The following PLSCR2 variants were observed in gnomAD, a reference collection of about 807,000 sequenced individuals.
The protein encoded by PLSCR2 is PL scramblase 2.
A neutral mutation model predicts 25.3 loss-of-function variants in PLSCR2; 18 were observed. The observed-to-expected ratio is 0.71, with a 90% CI of 0.49 to 1.06. The LOEUF (loss-of-function observed/expected upper bound fraction) is 1.06. PLSCR2 is among the 50% of genes least tolerant of loss of function. The pLI is 0.00. For missense variants in PLSCR2, 243 were observed against 269.5 expected (o/e 0.90, Z 0.69); for synonymous variants, 88 against 87.3 (o/e 1.01, Z -0.04).
intron 1 of PLSCR2, among the ~76,000 whole-genome samples, chr3:146,492,649 A>C (rs2043592337): frequency 6.6e-6 from 1 of 152,090 alleles, no homozygotes; most frequent in Non-Finnish European, 1.5e-5. Flanking sequence ...CTAAAGAAGT[A>C]GGAAGGGGAA....
chr3:146,396,240 C>A (rs917816263), intron 2 of PLSCR2, among the ~76,000 whole-genome samples: 15 of 152,122 alleles, frequency 9.9e-5, no homozygotes, highest in Admixed American at 2.6e-4. Flanking sequence ...AAACCACTAG[C>A]TTCTCAGCTC....
intron 2 of PLSCR2, among the ~76,000 whole-genome samples, chr3:146,419,285 C>A (rs187843326): frequency 1.3e-4 from 20 of 152,176 alleles, no homozygotes; most frequent in African/African-American, 4.3e-4. Context: ...AATACAGTTT[C>A]TTCATGTTTC....
chr3:146,442,435 T>G (rs1355321053), intron 6 of PLSCR2, among the ~76,000 whole-genome samples: 2 of 152,010 alleles, frequency 1.3e-5, no homozygotes, highest in Non-Finnish European at 2.9e-5. Flanking sequence ...TACCAGTGAA[T>G]TTTTCACAGA....
chr3:146,461,835 G>A (rs1266740289), upstream of PLSCR2: 3 of 943,632 alleles, frequency 3.2e-6, no homozygotes, highest in African/African-American at 4.9e-5. Context: ...GATAATTACT[G>A]GAGGAATTTA....
exon 6 of PLSCR2, chr3:146,449,301 C>T: frequency 6.2e-7 from 1 of 1,611,556 alleles, no homozygotes; most frequent in Non-Finnish European, 8.5e-7. Flanking sequence ...GTAAATGCCT[C>T]TCTTAAAAAC....
chr3:146,476,801 C>G (rs2042300577), intron 1 of PLSCR2, among the ~76,000 whole-genome samples: 1 of 152,202 alleles, frequency 6.6e-6, no homozygotes, highest in Non-Finnish European at 1.5e-5. Flanking sequence ...GGTGGGGCCT[C>G]CCTGCAAAAA....
At chr3:146,433,116 T>G (rs1470568918), downstream of PLSCR2, among the ~76,000 whole-genome samples, 2 of 152,164 alleles carry the variant, frequency 1.3e-5, no homozygotes, top group Non-Finnish European at 2.9e-5. Context: ...GTGTTAGCTA[T>G]CTATTTTATG....
intron 2 of PLSCR2, among the ~76,000 whole-genome samples, chr3:146,424,810 C>T (rs1471872199): frequency 1.3e-5 from 2 of 152,106 alleles, no homozygotes; most frequent in Admixed American, 6.6e-5. Context: ...TTTTCATTAT[C>T]AGTTTGAGTG....
rs142750850 is a variant in PLSCR2, at chr3:146,479,754, A to G, written c.-293+16141T>C. On this transcript the variant is annotated intron_variant, in intron 1 of 8. Coordinates refer to the PLSCR2 transcript ENST00000336685. The stretch of plus-strand genomic sequence containing the variant: ...AGCAGATCTAATAGACATCTACAGA[A>G]CTCTCCACCCCAAATCAGTAGAATA... Among the ~76,000 whole-genome samples, 23 of 152,174 alleles carry G rather than the reference A, an allele frequency of 1.5e-4. No homozygotes were observed. In the East Asian group the frequency reaches 4.1e-3, roughly 27 times the overall value.
At chr3:146,494,881 A>G (rs1467791296) in intron 1 of PLSCR2, 1 of 152,174 alleles carries the variant, frequency 6.6e-6, no homozygotes, top group Non-Finnish European at 1.5e-5. Flanking sequence ...TTATCTCTAG[A>G]AGTGTTTCCT....
Position 146,420,959 on chromosome 3 carries a change from T to C in PLSCR2, c.101-25038A>G, listed in dbSNP as rs140220038. On this transcript the variant is annotated intron_variant and NMD_transcript_variant, in intron 2 of 3. Coordinates refer to the PLSCR2 transcript ENST00000463633. ...ATCTCAGTTTAATAGATCAAAAAGATGAGCCTTAGAGATGTTGTGTGGTCA... is the reference window on the plus strand; with the variant it reads ...ATCTCAGTTTAATAGATCAAAAAGACGAGCCTTAGAGATGTTGTGTGGTCA... Among the ~76,000 whole-genome samples, 139 of 152,094 alleles carry C rather than the reference T, an allele frequency of 9.1e-4. 1 individual carries two copies. The highest frequency in any genetic ancestry group is 3.2e-3 in the African/African-American group (135 of 41,544).
At position 146,422,590 on chromosome 3, in the gene PLSCR2, G is replaced by A. The variant is rs147475274; in HGVS notation, c.101-26669C>T. Among the ~76,000 whole-genome samples the A allele has an allele frequency of 2.4e-3, 364 of 152,078 alleles. 3 individuals are homozygous for A. The highest frequency in any genetic ancestry group is 8.3e-3 in the African/African-American group (345 of 41,518). On this transcript the variant is annotated intron_variant and NMD_transcript_variant, in intron 2 of 3. Coordinates refer to the PLSCR2 transcript ENST00000463633. ...CTGGTTATACATGGTTCCACTTAGC[G>A]GACCAAGTTGGAACAGCTATGCACT...
chr3:146,441,775 C>T, exon 7 of PLSCR2: 1 of 1,579,706 alleles, frequency 6.3e-7, no homozygotes, highest in Non-Finnish European at 8.7e-7. Context: ...CACTCCCACA[C>T]TCTGACATTC....
At chr3:146,473,624 T>A (rs2042192805) in intron 1 of PLSCR2, among the ~76,000 whole-genome samples, 1 of 152,112 alleles carries the variant, frequency 6.6e-6, no homozygotes. Context: ...CTATCTTAAA[T>A]TAGAAAACAT....
intron 1 of PLSCR2, among the ~76,000 whole-genome samples, chr3:146,473,082 A>T (rs1346563180): frequency 6.6e-6 from 1 of 151,962 alleles, no homozygotes; most frequent in Non-Finnish European, 1.5e-5. Context: ...AATAAATTGG[A>T]TCTCCTTATT....
At chr3:146,447,999 G>A (rs1391125149) in intron 6 of PLSCR2, among the ~76,000 whole-genome samples, 2 of 152,124 alleles carry the variant, frequency 1.3e-5, no homozygotes, top group African/African-American at 4.8e-5. Context: ...CAATCACTGT[G>A]TTCTCCCTCC....
chr3:146,399,169 G>C (rs1437295099), intron 2 of PLSCR2, among the ~76,000 whole-genome samples: 1 of 151,846 alleles, frequency 6.6e-6, no homozygotes, highest in Non-Finnish European at 1.5e-5. Context: ...GAAACACAAC[G>C]AAACTTTAAT....
intron 1 of PLSCR2, among the ~76,000 whole-genome samples, chr3:146,486,177 G>A (rs931100414): frequency 6.6e-6 from 1 of 152,092 alleles, no homozygotes; most frequent in Non-Finnish European, 1.5e-5. Context: ...CGTGTTAAGA[G>A]GGAAATTTAT....
At chr3:146,473,235 G>A (rs1036190149) in intron 1 of PLSCR2, among the ~76,000 whole-genome samples, 29 of 148,964 alleles carry the variant, frequency 1.9e-4, no homozygotes, top group African/African-American at 6.9e-4. Flanking sequence ...GTTTATTACA[G>A]CTTTGGGTTT....
Sources: gnomAD v4.1 joint callset for allele counts (sites outside exome capture counted in the v4.1 genomes callset) on GRCh38, gnomAD v4.1.1 for gene constraint, MANE v1.5 for transcripts, NCBI Gene and HGNC (gene_info 2026-07-23, HGNC 2026-07-21) for gene names.